Variants in FAAP100 observed in about 807,000 individuals in gnomAD.
FAAP100 encodes the protein FA core complex associated protein 100.
Under a neutral mutation model 65.8 loss-of-function variants are expected in FAAP100, and 46 were observed. The ratio of observed to expected loss-of-function variants is 0.70; its 90% confidence interval spans 0.55 to 0.89. FAAP100 has a LOEUF of 0.89. Ranked by LOEUF, FAAP100 falls within the 40% of genes least tolerant of loss-of-function variation. The pLI is 0.00. For synonymous variants in FAAP100, 663 were observed against 555.1 expected (o/e 1.19, Z -2.73); for missense variants, 1,165 against 1,196.7 (o/e 0.97, Z 0.39).
intron 1 of FAAP100, 29 bp downstream of exon 1, chr17:81,552,137 C>G: frequency 6.7e-7 from 1 of 1,482,028 alleles, no homozygotes; most frequent in Non-Finnish European, 8.9e-7. Context: ...CCCGCCCGGT[C>G]CCTCCCGCCC....
chr17:81,552,671 C>G (rs2033544220), upstream of FAAP100, among the ~76,000 whole-genome samples: 1 of 152,198 alleles, frequency 6.6e-6, no homozygotes, highest in African/African-American at 2.4e-5. Context: ...AGAGGTTGCT[C>G]TTGGGCGGGG....
At position 81,551,169 on chromosome 17, in the gene FAAP100, C is replaced by G; in HGVS notation, c.325G>C (p.Gly109Arg). 1 of 1,537,758 alleles carries G rather than the reference C, an allele frequency of 6.5e-7. No individual in the cohort carries two copies. The highest frequency in any genetic ancestry group is 8.8e-7 in the Non-Finnish European group (1 of 1,138,016). ...GGGATCACGGGGGAAGGCTGGTCAC[C>G]GTCCTCGCTGTCCCTGTCATCCTGG... ...TSQDDRDSEDGDQPSPVIPVD... is the reference protein window; with the variant it reads ...TSQDDRDSEDRDQPSPVIPVD... The change falls in exon 3 of 9, where the codon GGT becomes CGT. Residue 109 changes from glycine (G) to arginine (R), a missense_variant. Transcript: ENST00000327787.
At chr17:81,541,541 C>T in intron 7 of FAAP100, 146 bp from the exon 8 acceptor site, 3 of 710,658 alleles carry the variant, frequency 4.2e-6, no homozygotes, top group Non-Finnish European at 7.3e-6. Flanking sequence ...TTGCTGTTTT[C>T]CACCTTGCTG....
Position 81,540,108 on chromosome 17 carries a change from C to T in FAAP100, c.*711G>A, listed in dbSNP as rs922964621. On this transcript the variant is annotated 3_prime_UTR_variant, in exon 9 of 9. Transcript: ENST00000327787. ...GGCCACAGCGCCACCCTGAGTGGCC[C>T]TGAAAATAGTGCACAGTGCTGGGTA... 2.5e-6 allele frequency: 1 copy of T among 398,412 alleles called. No individual in the cohort carries two copies. Among genetic ancestry groups the T allele is most frequent in the African/African-American group, 2.1e-5 (1 of 48,604 alleles). 24.7% of individuals were successfully genotyped at this position (398,412 alleles called of 1,614,324 possible). A position where few individuals can be genotyped will look rare whatever the true frequency, so the allele number is the denominator to read the frequency against.
At chr17:81,552,085 A>C in intron 1 of FAAP100, 33 bp from the exon 2 acceptor site, 2 of 1,454,838 alleles carry the variant, frequency 1.4e-6, no homozygotes, top group Non-Finnish European at 1.8e-6. Flanking sequence ...GGCCGACGCG[A>C]CGCGCGGGCC....
rs1209391703 is a variant in FAAP100 at position 81,552,072 on chromosome 17, T to C, written c.166-20A>G. ...CGCCGCCTGCGGACCGGGGCGCGGG[T>C]CAGGCCGACGCGACGCGCGGGCCCG... On this transcript the variant is annotated intron_variant, in intron 1 of 8. Transcript: ENST00000327787. 2 of 1,479,010 alleles carry C rather than the reference T, an allele frequency of 1.4e-6. No homozygotes were observed. The highest frequency in any genetic ancestry group is 1.8e-6 in the Non-Finnish European group (2 of 1,125,848). The allele number at this position is 1,479,010 out of a possible 1,614,324, so 91.6% of individuals were successfully genotyped here.
rs1555675198 is a variant in FAAP100 at position 81,551,000 on chromosome 17, C to CG, written c.493dup (p.Arg165ProfsTer8). 6.2e-7 allele frequency: 1 copy of CG among 1,611,462 alleles called. No homozygotes were observed. Among genetic ancestry groups the CG allele is most frequent in the Non-Finnish European group, 8.5e-7 (1 of 1,179,392 alleles). Reference sequence around the variant, plus strand: ...CACCTCACCGATCTGGCCTCCTGGCCGGGGGTCCTCCCCAGGACAGGGCTG... The same window carrying CG: ...CACCTCACCGATCTGGCCTCCTGGCCGGGGGGTCCTCCCCAGGACAGGGCTG... On this transcript the variant is annotated frameshift_variant, in exon 3 of 9. Transcript: ENST00000327787. LOFTEE classifies it high-confidence loss of function.
intron 4 of FAAP100, 118 bp downstream of exon 4, chr17:81,549,088 G>A: frequency 1.0e-6 from 1 of 973,372 alleles, no homozygotes; most frequent in Non-Finnish European, 1.5e-6. Context: ...CCAAGTAATG[G>A]CCTGGCCTGG....
Position 81,540,808 on chromosome 17 carries a change from G to C in FAAP100, c.*11C>G. ...GAAGCGTGGCCAGAGCCCAGGGGCAGGCCCGCCTGGTCACAGCAGGATGAG... is the reference window on the plus strand; with the variant it reads ...GAAGCGTGGCCAGAGCCCAGGGGCACGCCCGCCTGGTCACAGCAGGATGAG... On this transcript the variant is annotated 3_prime_UTR_variant, in exon 9 of 9. Coordinates refer to ENST00000327787, the MANE Select transcript of FAAP100 (RefSeq NM_025161.6). 2 of 1,509,068 alleles carry C rather than the reference G, an allele frequency of 1.3e-6. No homozygotes were observed. The highest frequency in any genetic ancestry group is 1.8e-6 in the Non-Finnish European group (2 of 1,127,662). 93.5% of individuals were successfully genotyped at this position (1,509,068 alleles called of 1,614,324 possible).
chr17:81,542,376 C>CTCTA (rs775798481), intron 7 of FAAP100, among the ~76,000 whole-genome samples: 9 of 151,270 alleles, frequency 5.9e-5, no homozygotes, highest in Non-Finnish European at 1.2e-4. Flanking sequence ...AGAGCCAGAG[C>CTCTA]TCTATCTCAA....
Position 81,551,760 on chromosome 17 carries a change from AAG to A in FAAP100, c.290+166_290+167del, listed in dbSNP as rs1288084043. ...GGACTGTGAGCAAGACACTTGCAGA[AAG>A]AGTGCTGGGGGCAGGGGCTCCAGAT... On this transcript the variant is annotated intron_variant, in intron 2 of 8. Coordinates refer to ENST00000327787, the MANE Select transcript of FAAP100 (RefSeq NM_025161.6). 1.4e-5 allele frequency: 19 copies of A among 1,366,218 alleles called. No homozygotes were observed. In the African/African-American group the frequency reaches 2.6e-4, roughly 19 times the overall value. 84.6% of individuals were successfully genotyped at this position (1,366,218 alleles called of 1,614,324 possible).
In FAAP100 at chr17:81,540,781, T is replaced by C; in HGVS notation, c.*38A>G. On this transcript the variant is annotated 3_prime_UTR_variant, in exon 9 of 9. Coordinates refer to ENST00000327787, the MANE Select transcript of FAAP100 (RefSeq NM_025161.6). Reference sequence around the variant, plus strand: ...GGCCTGGGGGGGCTGTGACAGAGGCTGGAAGCGTGGCCAGAGCCCAGGGGC... The same window carrying C: ...GGCCTGGGGGGGCTGTGACAGAGGCCGGAAGCGTGGCCAGAGCCCAGGGGC... The C allele has an allele frequency of 6.8e-7, 1 of 1,479,484 alleles. No homozygotes were observed. The highest frequency in any genetic ancestry group is 9.0e-7 in the Non-Finnish European group (1 of 1,113,138). 91.6% of individuals were successfully genotyped at this position (1,479,484 alleles called of 1,614,324 possible). A position where few individuals can be genotyped will look rare whatever the true frequency, so the allele number is the denominator to read the frequency against.
chr17:81,541,449 C>A, intron 7 of FAAP100, 54 bp from the exon 8 acceptor site: 1 of 1,485,634 alleles, frequency 6.7e-7, no homozygotes, highest in Non-Finnish European at 9.3e-7. Context: ...CCTGCCCCCA[C>A]ACCCCTTGGA....
Position 81,540,102 on chromosome 17 carries a change from G to A in FAAP100, c.*717C>T. On this transcript the variant is annotated 3_prime_UTR_variant, in exon 9 of 9. Coordinates refer to ENST00000327787, the MANE Select transcript of FAAP100 (RefSeq NM_025161.6). ...CCCCCGGGCCACAGCGCCACCCTGAGTGGCCCTGAAAATAGTGCACAGTGC... is the reference window on the plus strand; with the variant it reads ...CCCCCGGGCCACAGCGCCACCCTGAATGGCCCTGAAAATAGTGCACAGTGC... 2.5e-6 allele frequency: 1 copy of A among 398,554 alleles called. No homozygotes were observed. The highest frequency in any genetic ancestry group is 4.4e-6 in the Non-Finnish European group (1 of 225,898). 24.7% of individuals were successfully genotyped at this position (398,554 alleles called of 1,614,324 possible).
Position 81,540,173 on chromosome 17 carries a change from C to T in FAAP100, c.*646G>A. On this transcript the variant is annotated 3_prime_UTR_variant, in exon 9 of 9. Transcript: ENST00000327787. ...GGCACCTAGTTGTTGAGCATTCCGG[C>T]CACAGGCCACCCGCTGGCCCTTCCT... 1 of 399,042 alleles carries T rather than the reference C, an allele frequency of 2.5e-6. No individual in the cohort carries two copies. Among genetic ancestry groups the T allele is most frequent in the Non-Finnish European group, 4.4e-6 (1 of 226,204 alleles). 24.7% of individuals were successfully genotyped at this position (399,042 alleles called of 1,614,324 possible). A position where few individuals can be genotyped will look rare whatever the true frequency, so the allele number is the denominator to read the frequency against.
Position 81,549,198 on chromosome 17 carries a change from C to T in FAAP100, c.1403+8G>A. ...CAGCCTCTACCCGGTCCGAGCTGAG[C>T]TGCTCACCTCTCAGAGATGTTGCCA... is the stretch of plus-strand genomic sequence containing the variant. On this transcript the variant is annotated splice_region_variant and intron_variant, in intron 4 of 8. Transcript: ENST00000327787. 2 of 1,611,624 alleles carry T rather than the reference C, an allele frequency of 1.2e-6. No homozygotes were observed. The highest frequency in any genetic ancestry group is 1.3e-5 in the African/African-American group (1 of 75,036).
chr17:81,547,043 A>G lies in FAAP100; in HGVS notation c.2039T>C (p.Leu680Pro). ...GPTRDPVATF[L>P]ETCREPGSQP... The stretch of plus-strand genomic sequence containing the variant: ...GCTGCCAGGCTCCCGACAAGTTTCC[A>G]GAAAAGTGGCCACAGGGTCTCGGGT... The change falls in exon 5 of 9, where the codon CTG becomes CCG. Residue 680 changes from leucine (L) to proline (P), a missense_variant. Transcript: ENST00000327787. The G allele has an allele frequency of 1.3e-6, 2 of 1,557,068 alleles. No individual in the cohort carries two copies. Among genetic ancestry groups the G allele is most frequent in the Non-Finnish European group, 1.7e-6 (2 of 1,151,258 alleles).
In FAAP100 at chr17:81,550,984, G is replaced by C; in HGVS notation, c.510C>G (p.Ile170Met). 2.5e-6 allele frequency: 4 copies of C among 1,611,864 alleles called. No individual in the cohort carries two copies. The highest frequency in any genetic ancestry group is 1.1e-5 in the South Asian group (1 of 90,876). The change falls in exon 3 of 9, where the codon ATC becomes ATG. Residue 170 changes from isoleucine to methionine, a missense_variant. Transcript: ENST00000327787. Reference sequence around the variant, plus strand: ...TGTAGGAGGACAGCTCCACCTCACCGATCTGGCCTCCTGGCCGGGGGTCCT... The same window carrying C: ...TGTAGGAGGACAGCTCCACCTCACCCATCTGGCCTCCTGGCCGGGGGTCCT... ...PGEDPRPGGQ[I>M]GEVELSSYTP...
At position 81,545,633 on chromosome 17, in the gene FAAP100, G is replaced by A. The variant is rs1029687888; in HGVS notation, c.2310+113C>T. The A allele has an allele frequency of 8.9e-5, 123 of 1,384,972 alleles. 1 individual carries two copies. The highest frequency in any genetic ancestry group is 1.2e-4 in the Non-Finnish European group (121 of 1,037,664). The allele number at this position is 1,384,972 out of a possible 1,614,324, so 85.8% of individuals were successfully genotyped here. A position where few individuals can be genotyped will look rare whatever the true frequency, so the allele number is the denominator to read the frequency against. ...TATCAGAGTCCTCCGGGAAGCTTGG[G>A]AAAAGGCTGCCAGGCCCCCACCCAG... On this transcript the variant is annotated intron_variant, in intron 6 of 8. Coordinates refer to ENST00000327787, the MANE Select transcript of FAAP100 (RefSeq NM_025161.6).
Sources: allele counts gnomAD v4.1 joint callset (sites outside exome capture counted in the v4.1 genomes callset), GRCh38; gene constraint gnomAD v4.1.1; transcripts MANE v1.5; gene names NCBI Gene and HGNC (gene_info 2026-07-23, HGNC 2026-07-21).